TNNI3K: variants seen among roughly 807,000 people sequenced by gnomAD.
TNNI3K encodes serine/threonine-protein kinase TNNI3K.
Under a neutral mutation model 114.5 loss-of-function variants are expected in TNNI3K, and 140 were observed. The observed-to-expected ratio is 1.22, with a 90% CI of 1.07 to 1.41. The LOEUF (loss-of-function observed/expected upper bound fraction) is 1.41. Among genes scored for constraint, TNNI3K ranks in the 40% most tolerant of loss-of-function variants. The pLI, the probability that TNNI3K is intolerant of heterozygous loss-of-function variation, is 0.00. For missense variants in TNNI3K, 1,125 were observed against 1,007.6 expected, an observed-to-expected ratio of 1.12 and a Z score of -1.58; for synonymous variants, 347 against 347.5, an observed-to-expected ratio of 1.00 and a Z score of 0.02.
rs1660831690 is a variant in TNNI3K, at chr1:74,343,120, A to T, written c.873A>T (p.Gln291His). The T allele has an allele frequency of 1.9e-6, 3 of 1,613,502 alleles. No homozygotes were observed. In the African/African-American group the frequency reaches 4.0e-5, roughly 22 times the overall value. The change falls in exon 9 of 25, where the codon CAA becomes CAT. Residue 291 changes from glutamine (Q) to histidine (H), a missense_variant. Gln to His is a conservative substitution (Grantham distance 24). Coordinates refer to ENST00000326637, the MANE Select transcript of TNNI3K (RefSeq NM_015978.3). ...TTGAAGTTGCCAAGGAAATCATCCA[A>T]ATATCAGGAACAGAAAGTCTGACTA... Reference protein sequence around the residue: ...GKFEVAKEIIQISGTESLTKE... With the variant: ...GKFEVAKEIIHISGTESLTKE...
At chr1:74,433,906 C>G (rs1370698967) in intron 17 of TNNI3K, among the ~76,000 whole-genome samples, 1 of 151,938 alleles carries the variant, frequency 6.6e-6, no homozygotes, top group East Asian at 1.9e-4. Flanking sequence ...GAAGACAAAG[C>G]TAGAGTTTTG....
intron 5 of TNNI3K, among the ~76,000 whole-genome samples, chr1:74,279,022 T>C (rs1656845759): frequency 1.3e-5 from 2 of 152,220 alleles, no homozygotes; most frequent in Admixed American, 1.3e-4. Flanking sequence ...GCAATTTCTT[T>C]CTACTACCTG....
intron 5 of TNNI3K, among the ~76,000 whole-genome samples, chr1:74,310,383 G>A (rs1658914596): frequency 6.6e-6 from 1 of 152,088 alleles, no homozygotes; most frequent in Admixed American, 6.5e-5. Context: ...TTACTAACAT[G>A]TCCATACTGC....
intron 5 of TNNI3K, among the ~76,000 whole-genome samples, chr1:74,290,371 T>C (rs1832807): frequency 0.99 from 150,339 of 151,702 alleles, 74,513 homozygotes; most frequent in Middle Eastern, 1. Context: ...AATTTACCTT[T>C]GAAATACTGC....
rs1472447379 is a variant in TNNI3K at position 74,369,285 on chromosome 1, A to C, written c.1472+21A>C. ...AAACGGTAAGCAAGCAAATGAAAAAATTTAACATCCAGGTGGAATTGTGAC... is the reference window on the plus strand; with the variant it reads ...AAACGGTAAGCAAGCAAATGAAAAACTTTAACATCCAGGTGGAATTGTGAC... On this transcript the variant is annotated intron_variant, in intron 15 of 24. Coordinates refer to ENST00000326637, the MANE Select transcript of TNNI3K (RefSeq NM_015978.3). 5 of 1,611,666 alleles carry C rather than the reference A, an allele frequency of 3.1e-6. No homozygotes were observed. In the East Asian group the frequency reaches 6.7e-5, roughly 22 times the overall value.
chr1:74,357,342 A>G (rs1661720006), intron 11 of TNNI3K, among the ~76,000 whole-genome samples: 1 of 152,132 alleles, frequency 6.6e-6, no homozygotes. Context: ...GGATACGCCC[A>G]ATTTAAATAG....
Position 74,395,056 on chromosome 1 carries a change from A to G in TNNI3K, c.1772+24664A>G, listed in dbSNP as rs567585353. 2.2e-4 allele frequency among the ~76,000 whole-genome samples: 34 copies of G among 151,846 alleles called. No individual in the cohort carries two copies. In the South Asian group the frequency reaches 2.3e-3, roughly 10 times the overall value. On this transcript the variant is annotated intron_variant, in intron 17 of 24. Coordinates refer to ENST00000326637, the MANE Select transcript of TNNI3K (RefSeq NM_015978.3). The stretch of plus-strand genomic sequence containing the variant: ...AAGACTCCATCTCAAAAAAAAAAAA[A>G]AGAGAAAACACTTAAAGCCCCTACA...
At chr1:74,515,763 A>G (rs911634612) in intron 23 of TNNI3K, among the ~76,000 whole-genome samples, 4 of 152,226 alleles carry the variant, frequency 2.6e-5, no homozygotes, top group African/African-American at 9.6e-5. Context: ...AGGTCAAAAA[A>G]TAAGTATGAT....
intron 17 of TNNI3K, among the ~76,000 whole-genome samples, chr1:74,425,083 G>A (rs890077014): frequency 2.6e-5 from 4 of 152,066 alleles, no homozygotes; most frequent in Non-Finnish European, 4.4e-5. Context: ...AAATAAGGAC[G>A]AGGAAAATGT....
intron 17 of TNNI3K, among the ~76,000 whole-genome samples, chr1:74,427,502 G>A (rs1244793187): frequency 6.6e-6 from 1 of 151,990 alleles, no homozygotes; most frequent in East Asian, 1.9e-4. Context: ...ATTGTTGGAA[G>A]TCAAAAACCT....
chr1:74,450,350 A>G (rs547645716), intron 20 of TNNI3K, among the ~76,000 whole-genome samples: 54 of 152,154 alleles, frequency 3.5e-4, no homozygotes, highest in African/African-American at 1.3e-3. Context: ...AAAGAACTAG[A>G]AAAGCAAGAG....
chr1:74,339,781 G>A (rs1195253231), intron 7 of TNNI3K, among the ~76,000 whole-genome samples: 1 of 151,684 alleles, frequency 6.6e-6, no homozygotes, highest in Non-Finnish European at 1.5e-5. Flanking sequence ...GATTGAAAAG[G>A]TTAAAATATT....
chr1:74,320,328 T>C (rs1557494950), intron 5 of TNNI3K, among the ~76,000 whole-genome samples: 1 of 152,214 alleles, frequency 6.6e-6, no homozygotes, highest in Non-Finnish European at 1.5e-5. Context: ...TGTCAAAGCA[T>C]AGTGTTTCAT....
chr1:74,338,066 A>T (rs1315418154), intron 7 of TNNI3K, among the ~76,000 whole-genome samples: 3 of 152,050 alleles, frequency 2.0e-5, no homozygotes, highest in African/African-American at 4.8e-5. Flanking sequence ...ATATAAACAC[A>T]CATATATATA....
chr1:74,427,058 A>G (rs1184423455), intron 17 of TNNI3K, among the ~76,000 whole-genome samples: 3 of 152,048 alleles, frequency 2.0e-5, no homozygotes, highest in African/African-American at 2.4e-5. Flanking sequence ...TGCTTGCTAT[A>G]TCTCCTTTTT....
intron 4 of TNNI3K, among the ~76,000 whole-genome samples, chr1:74,255,490 G>A (rs1248042164): frequency 6.6e-6 from 1 of 152,106 alleles, no homozygotes; most frequent in East Asian, 1.9e-4. Flanking sequence ...CATCATGACT[G>A]TATATTTTCT....
At chr1:74,358,380 T>C (rs760628564) in intron 11 of TNNI3K, among the ~76,000 whole-genome samples, 1 of 152,140 alleles carries the variant, frequency 6.6e-6, no homozygotes, top group Non-Finnish European at 1.5e-5. Flanking sequence ...ATATACTTTG[T>C]TCATTCCTTT....
chr1:74,480,771 A>G (rs1385122656), intron 21 of TNNI3K: 1 of 717,446 alleles, frequency 1.4e-6, no homozygotes, highest in African/African-American at 1.7e-5. Context: ...GTGAGCGAAG[A>G]GCTGGATATT....
intron 20 of TNNI3K, among the ~76,000 whole-genome samples, chr1:74,455,677 T>G (rs1200766628): frequency 6.6e-6 from 1 of 152,096 alleles, no homozygotes; most frequent in Non-Finnish European, 1.5e-5. Flanking sequence ...AGTTCCAGAC[T>G]CTGAAGGCCC....
Sources: allele counts gnomAD v4.1 joint callset (sites outside exome capture counted in the v4.1 genomes callset), GRCh38; gene constraint gnomAD v4.1.1; transcripts MANE v1.5; gene names NCBI Gene and HGNC (gene_info 2026-07-23, HGNC 2026-07-21).